The following COL11A1 variants were observed in gnomAD, a reference collection of about 807,000 sequenced individuals.
COL11A1 encodes collagen alpha-1(XI) chain.
In COL11A1, 74 loss-of-function variants were observed where a neutral mutation model predicts 265.2. That is an observed-to-expected ratio of 0.28 (90% confidence interval 0.23 to 0.34). The LOEUF (loss-of-function observed/expected upper bound fraction) is 0.34, where lower values mean the gene tolerates loss of function less well. Among genes scored for constraint, COL11A1 ranks in the 10% least tolerant of loss-of-function variants. The pLI is 1.00. For synonymous variants in COL11A1, 816 were observed against 727.6 expected, an observed-to-expected ratio of 1.12 and a Z score of -1.96; for missense variants, 2,165 against 2,263.6, an observed-to-expected ratio of 0.96 and a Z score of 0.88.
chr1:102,976,288 G>GTTTTTTTTTTTTTTTTTTTTTTTTTTT (rs1557893410), intron 35 of COL11A1, among the ~76,000 whole-genome samples: 1 of 45,242 alleles, frequency 2.2e-5, no homozygotes, highest in Non-Finnish European at 5.8e-5. Flanking sequence ...GAAAACGTTG[G>GTTTTTTTTTTTTTTTTTTTTTTTTTTT]CTTTTTTTTT....
intron 2 of COL11A1, among the ~76,000 whole-genome samples, chr1:103,082,238 T>C (rs1166059129): frequency 6.6e-6 from 1 of 152,034 alleles, no homozygotes; most frequent in Non-Finnish European, 1.5e-5. Context: ...AACTGTGAGA[T>C]GTGACTAACT....
intron 28 of COL11A1, among the ~76,000 whole-genome samples, chr1:102,992,134 AT>A (rs1158129448): frequency 6.6e-6 from 1 of 152,070 alleles, no homozygotes; most frequent in Non-Finnish European, 1.5e-5. Context: ...CAGGGAGGCT[AT>A]TTTTCTCATG....
intron 41 of COL11A1, among the ~76,000 whole-genome samples, chr1:102,955,424 A>T (rs1420061114): frequency 6.6e-6 from 1 of 152,168 alleles, no homozygotes; most frequent in Non-Finnish European, 1.5e-5. Flanking sequence ...TATACCGCAC[A>T]ATTTTGAAAT....
In COL11A1 at chr1:103,078,754, A is replaced by G; in HGVS notation, c.392T>C (p.Val131Ala). The G allele has an allele frequency of 6.2e-7, 1 of 1,613,414 alleles. No individual in the cohort carries two copies. Among genetic ancestry groups the G allele is most frequent in the Non-Finnish European group, 8.5e-7 (1 of 1,179,606 alleles). Residue 131 changes from valine (V) to alanine (A), a missense_variant, in exon 3 of 67, where the codon GTT (valine) becomes GCT (alanine). By Grantham distance (64) the Val-to-Ala change is moderately conservative. Transcript: ENST00000370096. ...EHGIQQIGVE[V>A]GRSPVFLFED... is the part of the protein sequence containing the mutation. ...AAACAGAAAAACAGGTGATCTCCCAACCTCAACACCAATTTGCTGAATACC... is the reference window on the plus strand; with the variant it reads ...AAACAGAAAAACAGGTGATCTCCCAGCCTCAACACCAATTTGCTGAATACC...
At chr1:103,106,699 G>A (rs1302513590) in intron 1 of COL11A1, among the ~76,000 whole-genome samples, 3 of 152,004 alleles carry the variant, frequency 2.0e-5, no homozygotes, top group Admixed American at 6.5e-5. Flanking sequence ...AGTCCTAATA[G>A]GACTTTCACT....
At chr1:102,938,348 C>G (rs1658363083) in intron 44 of COL11A1, among the ~76,000 whole-genome samples, 1 of 150,262 alleles carries the variant, frequency 6.7e-6, no homozygotes, top group African/African-American at 2.5e-5. Flanking sequence ...ATTTATGTTT[C>G]TATCAGAGAG....
At chr1:103,005,426 G>C (rs1305000883) in intron 18 of COL11A1, among the ~76,000 whole-genome samples, 1 of 152,038 alleles carries the variant, frequency 6.6e-6, no homozygotes, top group East Asian at 1.9e-4. Context: ...ATAGTGCCTA[G>C]TATATTACTG....
chr1:103,066,631 A>G (rs544468694), intron 4 of COL11A1, among the ~76,000 whole-genome samples: 8 of 151,836 alleles, frequency 5.3e-5, no homozygotes, highest in Non-Finnish European at 1.0e-4. Flanking sequence ...AGAAAATACA[A>G]ATAATAAGAT....
rs773288292 is a variant in COL11A1 at position 102,912,181 on chromosome 1, G to T, written c.4064C>A (p.Pro1355Gln). The T allele has an allele frequency of 6.2e-7, 1 of 1,611,514 alleles. No individual in the cohort carries two copies. The highest frequency in any genetic ancestry group is 8.5e-7 in the Non-Finnish European group (1 of 1,178,950). ...GPPGPSGEAG[P>Q]PGPPGKRGPP... is the part of the protein sequence containing the mutation. ...TACTCGTTTTCCAGGAGGACCTGGT[G>T]GGCCAGCCTCACCAGATGGGCCAGG... Residue 1355 changes from proline (P) to glutamine (Q), a missense_variant, in exon 54 of 67, where the codon CCA (proline) becomes CAA (glutamine). Coordinates refer to ENST00000370096, the MANE Select transcript of COL11A1 (RefSeq NM_001854.4).
At chr1:103,004,775 GCTTTA>G in intron 18 of COL11A1, 114 bp from the exon 19 acceptor site, 1 of 898,068 alleles carries the variant, frequency 1.1e-6, no homozygotes, top group Non-Finnish European at 1.7e-6. Flanking sequence ...GAAAATATAT[GCTTTA>G]TTTACCCTCC....
At chr1:102,878,475 C>CATATATATATATATAT (rs57574729) in intron 66 of COL11A1, among the ~76,000 whole-genome samples, 3,054 of 49,144 alleles carry the variant, frequency 0.062, 296 homozygotes, top group Non-Finnish European at 0.081. Context: ...ATTGAATCCT[C>CATATATATATATATAT]ATATATATAT....
rs201174348 is a variant in COL11A1 at position 102,955,254 on chromosome 1, G to GA, written c.3168+6611dup. Reference sequence around the variant, plus strand: ...AGAAGGTTCTCAGAAATAGGATGAAGAAAAAAAAATAAGAGGAATAGGAAT... The same window carrying GA: ...AGAAGGTTCTCAGAAATAGGATGAAGAAAAAAAAAATAAGAGGAATAGGAAT... On this transcript the variant is annotated intron_variant, in intron 41 of 66. Transcript: ENST00000370096. Among the ~76,000 whole-genome samples, 81 of 149,850 alleles carry GA rather than the reference G, an allele frequency of 5.4e-4. No individual in the cohort carries two copies. In the East Asian group the frequency reaches 8.7e-3, roughly 16 times the overall value.
chr1:102,996,297 A>C (rs1054762755), intron 26 of COL11A1, among the ~76,000 whole-genome samples: 2 of 152,124 alleles, frequency 1.3e-5, no homozygotes, highest in African/African-American at 4.8e-5. Context: ...TGGACTAATA[A>C]GGCAAATCTT....
chr1:103,024,650 A>G, intron 7 of COL11A1, among the ~76,000 whole-genome samples: 1 of 151,406 alleles, frequency 6.6e-6, no homozygotes, highest in East Asian at 1.9e-4. Context: ...GACATCTTGA[A>G]TCAAAATACT....
intron 66 of COL11A1, among the ~76,000 whole-genome samples, 160 bp from the exon 67 acceptor site, chr1:102,878,325 A>G (rs1649757902): frequency 6.6e-6 from 1 of 151,240 alleles, no homozygotes; most frequent in African/African-American, 2.4e-5. Context: ...ATCACTGTAT[A>G]GTTCTAAATT....
chr1:103,016,114 A>C (rs1666546174), intron 11 of COL11A1, among the ~76,000 whole-genome samples: 1 of 152,020 alleles, frequency 6.6e-6, no homozygotes, highest in Admixed American at 6.6e-5. Context: ...TAAATAATGA[A>C]AGTTTTATTT....
intron 24 of COL11A1, among the ~76,000 whole-genome samples, chr1:103,000,715 T>C (rs1239921626): frequency 6.6e-6 from 1 of 151,972 alleles, no homozygotes; most frequent in Non-Finnish European, 1.5e-5. Context: ...AAATATTGAA[T>C]ATAAGTTTAC....
chr1:103,053,759 G>A (rs2102152508), intron 4 of COL11A1, among the ~76,000 whole-genome samples: 1 of 152,216 alleles, frequency 6.6e-6, no homozygotes, highest in East Asian at 1.9e-4. Context: ...TTTTTATGTG[G>A]AATCTCAATT....
intron 57 of COL11A1, among the ~76,000 whole-genome samples, chr1:102,895,219 C>T (rs987428462): frequency 1.3e-5 from 2 of 152,142 alleles, no homozygotes; most frequent in Admixed American, 6.6e-5. Flanking sequence ...TTGTTTTACT[C>T]TACCCCAAAG....
Sources: gnomAD v4.1 joint callset for allele counts (sites outside exome capture counted in the v4.1 genomes callset) on GRCh38, gnomAD v4.1.1 for gene constraint, MANE v1.5 for transcripts, NCBI Gene and HGNC (gene_info 2026-07-23, HGNC 2026-07-21) for gene names.